The following SLCO6A1 variants were observed in gnomAD, a reference collection of about 807,000 sequenced individuals.
SLCO6A1 encodes cancer/testis antigen 48.
In SLCO6A1, 65 loss-of-function variants were observed where a neutral mutation model predicts 72.7. That is an observed-to-expected ratio of 0.89 (90% confidence interval 0.73 to 1.10). SLCO6A1 has a LOEUF of 1.10. SLCO6A1 is among the 50% of genes least tolerant of loss of function. The probability of loss-of-function intolerance (pLI) is 0.00; values close to 1 mark genes in which losing one functional copy is unlikely to be tolerated. For synonymous variants in SLCO6A1, 314 were observed against 298.2 expected (o/e 1.05, Z -0.55); for missense variants, 874 against 872.6 (o/e 1.00, Z -0.02).
intron 10 of SLCO6A1, chr5:102,391,312 A>C: frequency 2.5e-6 from 1 of 402,480 alleles, no homozygotes; most frequent in East Asian, 4.2e-5. Flanking sequence ...CCCAGCTCCC[A>C]TTCCTTTGCT....
chr5:102,486,362 CA>C (rs1195027495), intron 1 of SLCO6A1, among the ~76,000 whole-genome samples: 5 of 151,966 alleles, frequency 3.3e-5, no homozygotes, highest in Non-Finnish European at 7.4e-5. Context: ...GCTTTGTTTT[CA>C]ATAATTAAAA....
chr5:102,442,936 G>A (rs1168292187), intron 6 of SLCO6A1, among the ~76,000 whole-genome samples: 2 of 152,110 alleles, frequency 1.3e-5, no homozygotes, highest in East Asian at 1.9e-4. Context: ...AGTGGCTCAC[G>A]CCTGTAATCC....
intron 9 of SLCO6A1, among the ~76,000 whole-genome samples, chr5:102,406,379 G>A (rs1223619830): frequency 1.3e-5 from 2 of 151,822 alleles, no homozygotes; most frequent in African/African-American, 2.4e-5. Context: ...GACAAAAAGG[G>A]ACATTTTAGA....
Position 102,459,774 on chromosome 5 carries a change from A to G in SLCO6A1, c.903T>C (p.Thr301=). The change falls in exon 5 of 14, where the codon ACT becomes ACC. Residue 301 remains threonine, a synonymous_variant. Coordinates refer to ENST00000506729, the MANE Select transcript of SLCO6A1 (RefSeq NM_173488.5). Reference sequence around the variant, plus strand: ...ATTCTGGACTACCATTATTGACTGTAGTGCTTTAATAAAGAAAAGTGAAAA... The same window carrying G: ...ATTCTGGACTACCATTATTGACTGTGGTGCTTTAATAAAGAAAAGTGAAAA... ...VPENTTSATN[T]TVNNGSPEWL... The G allele has an allele frequency of 6.5e-7, 1 of 1,540,210 alleles. No homozygotes were observed. Among genetic ancestry groups the G allele is most frequent in the South Asian group, 1.2e-5 (1 of 83,976 alleles).
intron 1 of SLCO6A1, among the ~76,000 whole-genome samples, chr5:102,488,896 G>C (rs1348048023): frequency 6.6e-6 from 1 of 152,094 alleles, no homozygotes; most frequent in African/African-American, 2.4e-5. Context: ...TAGAAAATGA[G>C]GATTTAAGAA....
chr5:102,404,727 T>C (rs777114476), intron 9 of SLCO6A1, among the ~76,000 whole-genome samples: 6 of 152,196 alleles, frequency 3.9e-5, no homozygotes, highest in Non-Finnish European at 7.4e-5. Flanking sequence ...ACAATGTTAG[T>C]ATGAAATGTT....
intron 7 of SLCO6A1, among the ~76,000 whole-genome samples, chr5:102,425,264 GC>G (rs768134754): frequency 4.6e-5 from 7 of 152,156 alleles, no homozygotes; most frequent in Admixed American, 2.0e-4. Context: ...TGGAAATTCT[GC>G]CCAGGGTGAT....
intron 1 of SLCO6A1, among the ~76,000 whole-genome samples, chr5:102,482,211 T>C (rs1296938745): frequency 6.6e-6 from 1 of 152,010 alleles, no homozygotes; most frequent in African/African-American, 2.4e-5. Context: ...TTCCATAAAG[T>C]ATTAATAGAA....
At chr5:102,460,899 C>CATAT (rs60973292) in intron 4 of SLCO6A1, among the ~76,000 whole-genome samples, 200 of 129,912 alleles carry the variant, frequency 1.5e-3, no homozygotes, top group Non-Finnish European at 2.1e-3. Context: ...CCACTTATCT[C>CATAT]ATATATATAT....
intron 12 of SLCO6A1, among the ~76,000 whole-genome samples, chr5:102,388,446 T>A (rs1462547281): frequency 6.6e-6 from 1 of 152,078 alleles, no homozygotes; most frequent in Non-Finnish European, 1.5e-5. Context: ...CAAGAGACCC[T>A]CCCACCTCAG....
At chr5:102,483,737 A>G (rs1752318574) in intron 1 of SLCO6A1, among the ~76,000 whole-genome samples, 1 of 152,214 alleles carries the variant, frequency 6.6e-6, no homozygotes, top group African/African-American at 2.4e-5. Flanking sequence ...CTCTTCAGAT[A>G]TAAGAGGACT....
Position 102,371,957 on chromosome 5 carries a change from G to A in SLCO6A1, c.*182C>T, listed in dbSNP as rs991611432. ...ACATTATCAGAAATGTTTCACAATA[G>A]GACACTTTATTATGAAAATGCAGAT... On this transcript the variant is annotated 3_prime_UTR_variant, in exon 14 of 14. Transcript: ENST00000506729. The A allele has an allele frequency of 2.0e-5, 3 of 151,828 alleles. No homozygotes were observed. Among genetic ancestry groups the A allele is most frequent in the Admixed American group, 6.6e-5 (1 of 15,204 alleles). The allele number at this position is 151,828 out of a possible 1,614,324, so 9.4% of individuals were successfully genotyped here.
chr5:102,473,766 C>A (rs1266011642), intron 4 of SLCO6A1, among the ~76,000 whole-genome samples: 1 of 151,916 alleles, frequency 6.6e-6, no homozygotes, highest in Non-Finnish European at 1.5e-5. Flanking sequence ...ACTATTAGAA[C>A]TACTAAATGA....
chr5:102,376,815 TCCAC>T (rs1349850108), intron 12 of SLCO6A1, among the ~76,000 whole-genome samples: 1 of 152,138 alleles, frequency 6.6e-6, no homozygotes, highest in Non-Finnish European at 1.5e-5. Flanking sequence ...ACCCACCAAT[TCCAC>T]TTTTGGGGAT....
intron 7 of SLCO6A1, among the ~76,000 whole-genome samples, chr5:102,438,382 C>A (rs1312119144): frequency 6.6e-6 from 1 of 151,734 alleles, no homozygotes; most frequent in Non-Finnish European, 1.5e-5. Context: ...AGAGTGATTA[C>A]CTGTGAAAAG....
At chr5:102,414,398 G>T (rs1266557025) in intron 8 of SLCO6A1, among the ~76,000 whole-genome samples, 1 of 152,090 alleles carries the variant, frequency 6.6e-6, no homozygotes, top group Non-Finnish European at 1.5e-5. Flanking sequence ...CCAGGAAAGA[G>T]AAAGAGAATA....
intron 12 of SLCO6A1, among the ~76,000 whole-genome samples, chr5:102,384,167 C>T (rs190735661): frequency 2.5e-4 from 38 of 151,794 alleles, no homozygotes. Context: ...TTTTTCTAAT[C>T]TCTATTTCAC....
At chr5:102,471,910 T>C (rs534886162) in intron 4 of SLCO6A1, among the ~76,000 whole-genome samples, 59 of 152,182 alleles carry the variant, frequency 3.9e-4, no homozygotes, top group African/African-American at 1.4e-3. Flanking sequence ...CTGAATGTCA[T>C]TGGAATAGTG....
chr5:102,388,749 T>C lies in SLCO6A1; in HGVS notation c.1956A>G (p.Gly652=). The stretch of plus-strand genomic sequence containing the variant: ...TATATATCCAACAACGTCCTGTGTG[T>C]CCACATTTATTAACATCCCGTAAAA... ...SCILRDVNKC[G]HTGRCWIYNK... is the part of the protein sequence containing the mutation. The change falls in exon 12 of 14, where the codon GGA becomes GGG. Residue 652 remains glycine (G), a synonymous_variant. Transcript: ENST00000506729. 1 of 1,608,910 alleles carries C rather than the reference T, an allele frequency of 6.2e-7. No homozygotes were observed.
Sources: allele counts gnomAD v4.1 joint callset (sites outside exome capture counted in the v4.1 genomes callset), GRCh38; gene constraint gnomAD v4.1.1; transcripts MANE v1.5; gene names NCBI Gene and HGNC (gene_info 2026-07-23, HGNC 2026-07-21).